KSR2: variants seen among roughly 807,000 people sequenced by gnomAD.
KSR2 encodes kinase suppressor of ras 2.
In KSR2, 25 loss-of-function variants were observed where a neutral mutation model predicts 107.8. The observed-to-expected ratio is 0.23, with a 90% confidence interval of 0.17 to 0.32. The LOEUF is 0.32. Ranked by LOEUF, KSR2 falls within the 10% of genes least tolerant of loss-of-function variation. The probability of loss-of-function intolerance (pLI) is 1.00; values close to 1 mark genes in which losing one functional copy is unlikely to be tolerated. For missense variants in KSR2, 887 were observed against 1,268.9 expected (o/e 0.70, Z 4.57); for synonymous variants, 480 against 507.0 (o/e 0.95, Z 0.71).
chr12:117,549,556 A>G (rs1169267682), intron 9 of KSR2, among the ~76,000 whole-genome samples: 1 of 152,210 alleles, frequency 6.6e-6, no homozygotes, highest in Non-Finnish European at 1.5e-5. Context: ...AGCACCTAGC[A>G]ATGAGCCAGT....
chr12:117,592,806 T>G (rs1010034919), intron 5 of KSR2, among the ~76,000 whole-genome samples: 63 of 151,988 alleles, frequency 4.1e-4, no homozygotes, highest in African/African-American at 1.5e-3. Flanking sequence ...ATGGTAACAC[T>G]AGGTCGGGTA....
At chr12:117,812,842 CAAAAA>C (rs3073170) in intron 3 of KSR2, among the ~76,000 whole-genome samples, 2 of 95,600 alleles carry the variant, frequency 2.1e-5, no homozygotes, top group Non-Finnish European at 3.8e-5. Flanking sequence ...CCCAAATAGC[CAAAAA>C]AAAAAAAAAA....
chr12:117,804,924 C>T (rs1005301518), intron 3 of KSR2, among the ~76,000 whole-genome samples: 1 of 152,158 alleles, frequency 6.6e-6, no homozygotes, highest in Non-Finnish European at 1.5e-5. Context: ...AGTCAGACCT[C>T]TTGGGGTACC....
At chr12:117,807,708 A>G (rs1472049031) in intron 3 of KSR2, among the ~76,000 whole-genome samples, 4 of 152,262 alleles carry the variant, frequency 2.6e-5, no homozygotes, top group East Asian at 3.8e-4. Context: ...AGAACCTACT[A>G]TGTGCCAGGC....
At chr12:117,692,170 GAT>G (rs1426830950) in intron 4 of KSR2, among the ~76,000 whole-genome samples, 2 of 152,044 alleles carry the variant, frequency 1.3e-5, no homozygotes. Flanking sequence ...CTCCGAAGGA[GAT>G]ACATAAATGG....
chr12:117,614,731 T>C (rs368791274), intron 5 of KSR2, among the ~76,000 whole-genome samples: 1 of 152,222 alleles, frequency 6.6e-6, no homozygotes, highest in Non-Finnish European at 1.5e-5. Context: ...CAGGACTGCC[T>C]TTTAATTTAC....
chr12:117,606,963 G>A (rs755235055), intron 5 of KSR2, among the ~76,000 whole-genome samples: 2 of 152,144 alleles, frequency 1.3e-5, no homozygotes, highest in African/African-American at 4.8e-5. Context: ...CTCTGCCCAC[G>A]CAGACTCCTG....
At chr12:117,905,432 C>T (rs578223553) in intron 1 of KSR2, among the ~76,000 whole-genome samples, 1 of 152,290 alleles carries the variant, frequency 6.6e-6, no homozygotes, top group African/African-American at 2.4e-5. Flanking sequence ...GCGGACTCCA[C>T]TCCAGCCCCA....
At chr12:117,935,240 T>A (rs1895805384) in intron 1 of KSR2, among the ~76,000 whole-genome samples, 1 of 151,582 alleles carries the variant, frequency 6.6e-6, no homozygotes, top group African/African-American at 2.4e-5. Context: ...GCTCGAGCAA[T>A]CCTCCCTCCT....
intron 1 of KSR2, among the ~76,000 whole-genome samples, chr12:117,894,773 G>A (rs989998665): frequency 1.5e-5 from 2 of 137,142 alleles, no homozygotes; most frequent in African/African-American, 5.4e-5. Flanking sequence ...CTCTGGCCAC[G>A]TGAAGACCAT....
intron 9 of KSR2, among the ~76,000 whole-genome samples, chr12:117,541,903 T>A (rs1177141797): frequency 1.3e-5 from 2 of 152,156 alleles, no homozygotes; most frequent in Non-Finnish European, 2.9e-5. Flanking sequence ...TTTTGTTTTT[T>A]GAGATGAGAT....
intron 14 of KSR2, among the ~76,000 whole-genome samples, chr12:117,515,639 A>G (rs1874320819): frequency 6.6e-6 from 1 of 152,154 alleles, no homozygotes; most frequent in African/African-American, 2.4e-5. Context: ...TGAAAATAAA[A>G]TGCAGGCCAG....
chr12:117,644,561 A>G (rs1163660088), intron 5 of KSR2, among the ~76,000 whole-genome samples: 1 of 152,062 alleles, frequency 6.6e-6, no homozygotes, highest in African/African-American at 2.4e-5. Context: ...CAGCCTAGGG[A>G]TCAGAATTTT....
At chr12:117,914,019 C>A (rs1336586437) in intron 1 of KSR2, among the ~76,000 whole-genome samples, 1 of 152,338 alleles carries the variant, frequency 6.6e-6, no homozygotes, top group Admixed American at 6.5e-5. Flanking sequence ...GGGTCCCACC[C>A]CTTACTGGCC....
chr12:117,866,416 G>A (rs1161580193), intron 1 of KSR2, among the ~76,000 whole-genome samples: 2 of 152,184 alleles, frequency 1.3e-5, no homozygotes, highest in African/African-American at 4.8e-5. Context: ...ACAATTTCAT[G>A]ACACTTGTGT....
At chr12:117,874,229 A>G (rs1216854969) in intron 1 of KSR2, among the ~76,000 whole-genome samples, 1 of 150,218 alleles carries the variant, frequency 6.7e-6, no homozygotes, top group Non-Finnish European at 1.5e-5. Context: ...TGAGTGTTAG[A>G]TTTTTTTTTT....
At chr12:117,932,552 C>T (rs1895722703) in intron 1 of KSR2, among the ~76,000 whole-genome samples, 1 of 151,840 alleles carries the variant, frequency 6.6e-6, no homozygotes, top group Admixed American at 6.6e-5. Flanking sequence ...CCTATCTCTA[C>T]AAAAAAATAC....
intron 5 of KSR2, among the ~76,000 whole-genome samples, chr12:117,583,297 A>G (rs1487897390): frequency 7.1e-6 from 1 of 140,790 alleles, no homozygotes; most frequent in African/African-American, 2.7e-5. Flanking sequence ...AAGTGGGTGG[A>G]TGGATGAATA....
rs559628441 is a variant in KSR2 at position 117,705,283 on chromosome 12, G to C, written c.987-37625C>G. Among the ~76,000 whole-genome samples the C allele has an allele frequency of 2.0e-5, 3 of 152,292 alleles. No homozygotes were observed. In the East Asian group the frequency reaches 5.8e-4, roughly 29 times the overall value. ...GGTCAGGCAACAGACGCTCCCAGAGGAGAAGATCCATCTCTCAACCTGCAC... is the reference window on the plus strand; with the variant it reads ...GGTCAGGCAACAGACGCTCCCAGAGCAGAAGATCCATCTCTCAACCTGCAC... On this transcript the variant is annotated intron_variant, in intron 4 of 19. Coordinates refer to ENST00000339824, the MANE Select transcript of KSR2 (RefSeq NM_173598.6).
Sources: gnomAD v4.1 joint callset for allele counts (sites outside exome capture counted in the v4.1 genomes callset) on GRCh38, gnomAD v4.1.1 for gene constraint, MANE v1.5 for transcripts, NCBI Gene and HGNC (gene_info 2026-07-23, HGNC 2026-07-21) for gene names.